Variants in DAB1 observed in about 807,000 individuals in gnomAD.
DAB1 encodes disabled homolog 1.
In DAB1, 15 loss-of-function variants were observed where a neutral mutation model predicts 64.6. The ratio of observed to expected loss-of-function variants is 0.23; its 90% CI spans 0.16 to 0.36. DAB1 has a LOEUF of 0.36. Ranked by LOEUF, DAB1 falls within the 10% of genes least tolerant of loss-of-function variation. The pLI, the probability that DAB1 is intolerant of heterozygous loss-of-function variation, is 1.00. For synonymous variants in DAB1, 235 were observed against 251.9 expected, an observed-to-expected ratio of 0.93 and a Z score of 0.64; for missense variants, 596 against 706.7, an observed-to-expected ratio of 0.84 and a Z score of 1.78.
chr1:57,051,482 T>G (rs1649183065), intron 9 of DAB1, among the ~76,000 whole-genome samples: 1 of 152,204 alleles, frequency 6.6e-6, no homozygotes, highest in African/African-American at 2.4e-5. Context: ...GTCCAGAGAA[T>G]TCTTGCAATT....
At chr1:58,451,619 G>T (rs1645137348) in intron 3 of DAB1, among the ~76,000 whole-genome samples, 1 of 152,144 alleles carries the variant, frequency 6.6e-6, no homozygotes, top group Admixed American at 6.5e-5. Context: ...AATACATAAA[G>T]TTATTCCAAA....
chr1:57,729,271 C>A (rs776789255), intron 6 of DAB1, among the ~76,000 whole-genome samples: 1 of 152,248 alleles, frequency 6.6e-6, no homozygotes, highest in Non-Finnish European at 1.5e-5. Context: ...GAAGCAATGG[C>A]TGTGTATGTT....
chr1:57,605,771 T>G, intron 7 of DAB1: 1 of 359,160 alleles, frequency 2.8e-6, no homozygotes, highest in East Asian at 5.5e-5. Context: ...ATTGATGGCC[T>G]TGGGTACCAT....
intron 2 of DAB1, among the ~76,000 whole-genome samples, chr1:57,226,212 A>G (rs1266375948): frequency 6.6e-6 from 1 of 152,242 alleles, no homozygotes; most frequent in African/African-American, 2.4e-5. Context: ...AATCTCTTAA[A>G]TGCTTATCGC....
intron 3 of DAB1, among the ~76,000 whole-genome samples, chr1:58,431,558 GAAAAA>G (rs66832530): frequency 6.6e-5 from 5 of 76,282 alleles, no homozygotes; most frequent in African/African-American, 2.5e-4. Context: ...ACTCCATCTG[GAAAAA>G]AAAAAAAAAA....
chr1:58,234,733 A>G (rs1045064961), intron 4 of DAB1, among the ~76,000 whole-genome samples: 1 of 152,214 alleles, frequency 6.6e-6, no homozygotes, highest in Non-Finnish European at 1.5e-5. Flanking sequence ...GTGGTTCCCT[A>G]GGATCAGACT....
chr1:57,818,890 A>T lies in DAB1; in HGVS notation n.551+65109T>A, dbSNP rs372339755. 4.8e-4 allele frequency among the ~76,000 whole-genome samples: 73 copies of T among 152,248 alleles called. 1 individual carries two copies. The highest frequency in any genetic ancestry group is 1.7e-3 in the African/African-American group (70 of 41,564). On this transcript the variant is annotated intron_variant and non_coding_transcript_variant, in intron 6 of 20. Coordinates refer to the DAB1 transcript ENST00000485760. ...CAAACAGGAATTTTGAAATCTGTTA[A>T]TTCTAACCAATCAACTAGCCTCTTC...
intron 1 of DAB1, among the ~76,000 whole-genome samples, chr1:57,319,026 G>T (rs1329095543): frequency 6.6e-6 from 1 of 152,032 alleles, no homozygotes; most frequent in African/African-American, 2.4e-5. Context: ...GAGGGTGAAA[G>T]GCCTCCATGT....
chr1:58,229,981 C>G (rs1162940616), intron 4 of DAB1, among the ~76,000 whole-genome samples: 2 of 152,188 alleles, frequency 1.3e-5, no homozygotes, highest in African/African-American at 4.8e-5. Flanking sequence ...CAGTCCAGTG[C>G]TCATTCCAGT....
chr1:57,517,808 T>C (rs1336064144), intron 7 of DAB1, among the ~76,000 whole-genome samples: 1 of 152,184 alleles, frequency 6.6e-6, no homozygotes, highest in African/African-American at 2.4e-5. Flanking sequence ...AGGGGGCACA[T>C]TCTCCACATT....
chr1:57,724,762 AG>A (rs1226079078), intron 6 of DAB1, among the ~76,000 whole-genome samples: 1 of 152,178 alleles, frequency 6.6e-6, no homozygotes, highest in Non-Finnish European at 1.5e-5. Context: ...AGAAAGAAGA[AG>A]GGGAGCAGCT....
rs2691438 is a variant in DAB1, at chr1:57,511,417, C to T, written n.625+138175G>A. Among the ~76,000 whole-genome samples the T allele has an allele frequency of 7.9e-3, 1,208 of 152,300 alleles. 20 individuals carry two copies. Among genetic ancestry groups the T allele is most frequent in the African/African-American group, 0.024 (1,007 of 41,570 alleles). ...CTTTGAGTTTGCATGAAATGCTCTT[C>T]ATCAGCTCAGCTCTTTACATGACTG... On this transcript the variant is annotated intron_variant and non_coding_transcript_variant, in intron 7 of 20. Transcript: ENST00000485760.
At chr1:57,689,559 C>T (rs538405870) in intron 6 of DAB1, among the ~76,000 whole-genome samples, 3 of 152,278 alleles carry the variant, frequency 2.0e-5, no homozygotes, top group East Asian at 3.9e-4. Context: ...GAGCATGATA[C>T]TTGGCTCTGC....
intron 2 of DAB1, among the ~76,000 whole-genome samples, chr1:58,522,369 T>C (rs1646278387): frequency 6.6e-6 from 1 of 152,106 alleles, no homozygotes; most frequent in Admixed American, 6.5e-5. Context: ...TTAATATATA[T>C]ACATAATTTT....
intron 4 of DAB1, among the ~76,000 whole-genome samples, chr1:57,133,424 C>T (rs189056005): frequency 8.5e-5 from 13 of 152,152 alleles, no homozygotes; most frequent in African/African-American, 3.1e-4. Flanking sequence ...CCTCACTGCC[C>T]TTATCTGCAA....
chr1:57,184,175 C>A (rs1663281540), intron 2 of DAB1, among the ~76,000 whole-genome samples: 1 of 152,208 alleles, frequency 6.6e-6, no homozygotes, highest in African/African-American at 2.4e-5. Flanking sequence ...ACAGGAGGGT[C>A]TTGGTACTAA....
chr1:58,409,565 T>C (rs1009820423), intron 3 of DAB1, among the ~76,000 whole-genome samples: 3 of 152,190 alleles, frequency 2.0e-5, no homozygotes, highest in East Asian at 1.9e-4. Context: ...TTGTCTGAGA[T>C]GAGGTAGTGA....
At chr1:57,506,626 T>C (rs929471405) in intron 7 of DAB1, among the ~76,000 whole-genome samples, 1 of 152,202 alleles carries the variant, frequency 6.6e-6, no homozygotes, top group Non-Finnish European at 1.5e-5. Context: ...GGAACTCCTG[T>C]GCATGCCCAT....
chr1:58,470,547 G>C (rs1295471832), intron 3 of DAB1, among the ~76,000 whole-genome samples: 1 of 151,270 alleles, frequency 6.6e-6, no homozygotes, highest in Non-Finnish European at 1.5e-5. Flanking sequence ...AATGGTCCAG[G>C]AGCAGCACTG....
Sources: allele counts gnomAD v4.1 joint callset (sites outside exome capture counted in the v4.1 genomes callset), GRCh38; gene constraint gnomAD v4.1.1; transcripts MANE v1.5; gene names NCBI Gene and HGNC (gene_info 2026-07-23, HGNC 2026-07-21).